Variants in RSPH1 observed in about 807,000 individuals in gnomAD.
RSPH1 encodes the protein radial spoke head component 1, also known as radial spoke head 1 homolog.
RSPH1 carries 32 observed loss-of-function variants against 44.2 expected under a neutral mutation model. That is an observed-to-expected ratio of 0.72 (90% CI 0.55 to 0.97). The LOEUF is 0.97. Ranked by LOEUF, RSPH1 falls within the 50% of genes least tolerant of loss-of-function variation. The probability of loss-of-function intolerance (pLI) is 0.00; values close to 1 mark genes in which losing one functional copy is unlikely to be tolerated. For synonymous variants in RSPH1, 134 were observed against 147.3 expected (o/e 0.91, Z 0.65); for missense variants, 391 against 398.7 (o/e 0.98, Z 0.16).
Position 42,492,800 on chromosome 21 carries a change from C to T in RSPH1, c.232G>A (p.Gly78Ser), listed in dbSNP as rs761822203. The T allele has an allele frequency of 1.4e-5, 22 of 1,612,970 alleles. No homozygotes were observed. Among genetic ancestry groups the T allele is most frequent in the Admixed American group, 1.3e-4 (8 of 59,994 alleles). ...IGEYVRNKKH[G>S]QGTFIYPDGS... ...TCTGGATATATAAAAGTGCCTTGAC[C>T]GTGCTTTTTATTTCTAACATATTCT... The change falls in exon 3 of 9, where the codon GGT (glycine) becomes AGT (serine). Residue 78 changes from glycine to serine, a missense_variant. By Grantham distance (56) the Gly-to-Ser change is moderately conservative. Coordinates refer to ENST00000291536, the MANE Select transcript of RSPH1 (RefSeq NM_080860.4).
chr21:42,492,777 T>G lies in RSPH1; in HGVS notation c.255A>C (p.Pro85=). 1 of 1,602,346 alleles carries G rather than the reference T, an allele frequency of 6.2e-7. No homozygotes were observed. Among genetic ancestry groups the G allele is most frequent in the South Asian group, 1.1e-5 (1 of 90,808 alleles). Residue 85 remains proline (P), a synonymous_variant, in exon 3 of 9, where the codon CCA becomes CCC. Coordinates refer to ENST00000291536, the MANE Select transcript of RSPH1 (RefSeq NM_080860.4). ...TTTTACCTTCATATCTGGATCCATC[T>G]GGATATATAAAAGTGCCTTGACCGT... ...KKHGQGTFIY[P]DGSRYEGEWA...
chr21:42,476,124 C>G (rs1209521721), intron 7 of RSPH1, 77 bp from the exon 8 acceptor site: 4 of 1,477,392 alleles, frequency 2.7e-6, no homozygotes, highest in Non-Finnish European at 3.7e-6. Context: ...GCAGCTGTCC[C>G]CTGGGCTGCC....
intron 1 of RSPH1, among the ~76,000 whole-genome samples, chr21:42,494,462 C>A (rs1159585299): frequency 6.6e-6 from 1 of 152,150 alleles, no homozygotes; most frequent in East Asian, 1.9e-4. Flanking sequence ...TAGTTTACAT[C>A]AAAATGTACA....
At chr21:42,475,409 T>C (rs2054035392) in intron 8 of RSPH1, among the ~76,000 whole-genome samples, 2 of 151,330 alleles carry the variant, frequency 1.3e-5, no homozygotes, top group African/African-American at 4.9e-5. Flanking sequence ...CTACTAAAAA[T>C]ACAAAAAAAT....
At chr21:42,486,961 G>C (rs2054187014) in intron 3 of RSPH1, among the ~76,000 whole-genome samples, 1 of 152,104 alleles carries the variant, frequency 6.6e-6, no homozygotes, top group Non-Finnish European at 1.5e-5. Context: ...CAACTCCAGG[G>C]CTTGACCATC....
intron 5 of RSPH1, chr21:42,484,534 C>T (rs2054159635): frequency 6.6e-6 from 1 of 152,202 alleles, no homozygotes; most frequent in Admixed American, 6.5e-5. Context: ...ACATGACACA[C>T]AGAAATAGTG....
chr21:42,489,391 G>A (rs933617709), intron 3 of RSPH1, among the ~76,000 whole-genome samples: 5 of 152,220 alleles, frequency 3.3e-5, no homozygotes, highest in African/African-American at 9.6e-5. Context: ...TTGGTTGATT[G>A]GTTGGCTGTT....
rs375817826 is a variant in RSPH1, at chr21:42,491,454, C to CGT, written c.274+1302_274+1303dup. Among the ~76,000 whole-genome samples the CGT allele has an allele frequency of 6.1e-3, 923 of 151,946 alleles. 8 individuals carry two copies. The highest frequency in any genetic ancestry group is 0.018 in the African/African-American group (730 of 41,472). ...TTAAATCCCTTATCCTAAATATCTT[C>CGT]GTGTGTGTGTGTGTTGTTCAAATTG... On this transcript the variant is annotated intron_variant, in intron 3 of 8. Coordinates refer to ENST00000291536, the MANE Select transcript of RSPH1 (RefSeq NM_080860.4).
At chr21:42,493,178 A>AT in intron 1 of RSPH1, 99 bp from the exon 2 acceptor site, 1 of 963,770 alleles carries the variant, frequency 1.0e-6, no homozygotes, top group Non-Finnish European at 1.6e-6. Flanking sequence ...TCATCCCACT[A>AT]TGCTAAACCC....
At position 42,492,739 on chromosome 21, in the gene RSPH1, C is replaced by T. The variant is rs560243208; in HGVS notation, c.274+19G>A. The T allele has an allele frequency of 4.9e-5, 70 of 1,432,822 alleles. No homozygotes were observed. In the South Asian group the frequency reaches 7.4e-4, roughly 15 times the overall value. 88.8% of individuals were successfully genotyped at this position (1,432,822 alleles called of 1,614,324 possible). On this transcript the variant is annotated intron_variant, in intron 3 of 8. Coordinates refer to ENST00000291536, the MANE Select transcript of RSPH1 (RefSeq NM_080860.4). ...AAAACTTCTGTAACACGAAAATCTG[C>T]TTAGTGATAACATTTTACCTTCATA...
chr21:42,482,523 G>A, intron 6 of RSPH1, 114 bp downstream of exon 6: 1 of 677,578 alleles, frequency 1.5e-6, no homozygotes, highest in Non-Finnish European at 2.6e-6. Flanking sequence ...ATGTGAAAGT[G>A]CCTAAGAGTT....
chr21:42,496,024 C>G (rs967330201), intron 1 of RSPH1, 109 bp downstream of exon 1: 49 of 1,247,702 alleles, frequency 3.9e-5, no homozygotes, highest in Non-Finnish European at 5.7e-5. Flanking sequence ...TCCTGGGGAG[C>G]TGTGGCTCAG....
intron 6 of RSPH1, among the ~76,000 whole-genome samples, chr21:42,482,408 G>A (rs998268945): frequency 6.6e-6 from 1 of 152,058 alleles, no homozygotes; most frequent in African/African-American, 2.4e-5. Context: ...CAACAAAAAC[G>A]GTATCTATCA....
At chr21:42,477,473 C>T in intron 6 of RSPH1, 29 bp from the exon 7 acceptor site, 1 of 1,608,348 alleles carries the variant, frequency 6.2e-7, no homozygotes, top group Non-Finnish European at 8.5e-7. Context: ...TGTACATTTA[C>T]CAACATTTGT....
Position 42,496,205 on chromosome 21 carries a change from A to C in RSPH1, c.-19T>G. On this transcript the variant is annotated 5_prime_UTR_variant, in exon 1 of 9. Coordinates refer to ENST00000291536, the MANE Select transcript of RSPH1 (RefSeq NM_080860.4). ...CCGACATGGTCTCGCCCCAGCCTGG[A>C]TCACAGCCGCAGCGCCTCTAGCAGG... 6.2e-7 allele frequency: 1 copy of C among 1,614,004 alleles called. No individual in the cohort carries two copies.
In RSPH1 at chr21:42,477,382, G is replaced by A. The variant is rs765328542; in HGVS notation, c.636C>T (p.Thr212=). The A allele has an allele frequency of 3.0e-5, 48 of 1,612,524 alleles. No individual in the cohort carries two copies. Among genetic ancestry groups the A allele is most frequent in the Middle Eastern group, 1.6e-4 (1 of 6,084 alleles). ...LVTVVPKWKA[T]QITELALWTP... ...TCCACAGGGCCAATTCAGTGATTTGGGTAGCTTTCCATTTTGGAACAACAG... is the reference window on the plus strand; with the variant it reads ...TCCACAGGGCCAATTCAGTGATTTGAGTAGCTTTCCATTTTGGAACAACAG... Residue 212 remains threonine (T), a synonymous_variant, in exon 7 of 9, where the codon ACC becomes ACT. Transcript: ENST00000291536.
chr21:42,490,382 ACT>A (rs2054225035), intron 3 of RSPH1, among the ~76,000 whole-genome samples: 1 of 152,172 alleles, frequency 6.6e-6, no homozygotes, highest in Non-Finnish European at 1.5e-5. Flanking sequence ...GCCAAGATAC[ACT>A]GTTATGAATA....
At chr21:42,492,103 T>A (rs999514516) in intron 3 of RSPH1, among the ~76,000 whole-genome samples, 1 of 152,258 alleles carries the variant, frequency 6.6e-6, no homozygotes, top group Non-Finnish European at 1.5e-5. Flanking sequence ...CAGAATTTTA[T>A]ATACACTTTC....
chr21:42,478,896 C>T (rs1312385754), intron 6 of RSPH1, among the ~76,000 whole-genome samples: 1 of 152,162 alleles, frequency 6.6e-6, no homozygotes, highest in Non-Finnish European at 1.5e-5. Context: ...ATGAATTCAT[C>T]TATATGCGAC....
Sources: allele counts gnomAD v4.1 joint callset (sites outside exome capture counted in the v4.1 genomes callset), GRCh38; gene constraint gnomAD v4.1.1; transcripts MANE v1.5; gene names NCBI Gene and HGNC (gene_info 2026-07-23, HGNC 2026-07-21).